Variants in ZFP91 observed in about 807,000 individuals in gnomAD.
ZFP91 encodes the protein E3 ubiquitin-protein ligase ZFP91.
In ZFP91, 7 loss-of-function variants were observed where a neutral mutation model predicts 63.5. The ratio of observed to expected loss-of-function variants is 0.11; its 90% CI spans 0.06 to 0.21. The LOEUF (loss-of-function observed/expected upper bound fraction) is 0.21. ZFP91 is among the 10% of genes least tolerant of loss of function. The pLI is 1.00. For synonymous variants in ZFP91, 330 were observed against 272.1 expected (o/e 1.21, Z -2.10); for missense variants, 628 against 736.6 (o/e 0.85, Z 1.71).
rs1855038419 is a variant in ZFP91 at position 58,579,310 on chromosome 11, C to G, written c.29C>G (p.Pro10Arg). 6.7e-7 allele frequency: 1 copy of G among 1,489,234 alleles called. No homozygotes were observed. The highest frequency in any genetic ancestry group is 1.5e-5 in the African/African-American group (1 of 67,834). 92.3% of individuals were successfully genotyped at this position (1,489,234 alleles called of 1,614,324 possible). Reference sequence around the variant, plus strand: ...CCGGGGGAGACGGAAGAGCCGAGACCCCCGGAGCAGCAGGACCAGGAAGGG... The same window carrying G: ...CCGGGGGAGACGGAAGAGCCGAGACGCCCGGAGCAGCAGGACCAGGAAGGG... MPGETEEPRPPEQQDQEGGE... is the reference protein window; with the variant it reads MPGETEEPRRPEQQDQEGGE... The change falls in exon 1 of 11, where the codon CCC (proline) becomes CGC (arginine). Residue 10 changes from proline to arginine, a missense_variant. By Grantham distance (103) the Pro-to-Arg change is moderately radical (BLOSUM62 -2). Coordinates refer to ENST00000316059, the MANE Select transcript of ZFP91 (RefSeq NM_053023.5).
chr11:58,603,165 G>A (rs1855518614), intron 2 of ZFP91, among the ~76,000 whole-genome samples: 1 of 152,168 alleles, frequency 6.6e-6, no homozygotes, highest in South Asian at 2.1e-4. Context: ...CTATCATTGG[G>A]TAAGCAATGA....
chr11:58,609,785 T>C (rs551646253), intron 2 of ZFP91, 45 bp from the exon 3 acceptor site: 1 of 1,539,896 alleles, frequency 6.5e-7, no homozygotes, highest in Non-Finnish European at 9.0e-7. Context: ...GGATGGTTAT[T>C]GGTTAACTGT....
chr11:58,617,362 C>T lies in ZFP91; in HGVS notation c.1369C>T (p.Leu457=). 6.2e-7 allele frequency: 1 copy of T among 1,613,880 alleles called. No individual in the cohort carries two copies. Among genetic ancestry groups the T allele is most frequent in the Non-Finnish European group, 8.5e-7 (1 of 1,179,906 alleles). ...CAAGGCAAAAAGCCACCCTGAGGTG[C>T]TGATTGCAGAAGCTCTGGCTGCCAA... ...AHKAKSHPEV[L]IAEALAANAG... is the part of the protein sequence containing the mutation. Residue 457 remains leucine, a synonymous_variant, in exon 11 of 11, where the codon CTG becomes TTG. Transcript: ENST00000316059. The surrounding 1 kb of genome is among the most constrained non-coding windows in gnomAD (Gnocchi z 4.2).
chr11:58,586,258 G>GT (rs758843688), intron 2 of ZFP91, among the ~76,000 whole-genome samples: 8 of 152,140 alleles, frequency 5.3e-5, no homozygotes, highest in Non-Finnish European at 1.0e-4. Flanking sequence ...ATCACTATGG[G>GT]TTGCCTTGAG....
chr11:58,600,094 T>C (rs1048216975), intron 2 of ZFP91, among the ~76,000 whole-genome samples: 4 of 152,144 alleles, frequency 2.6e-5, no homozygotes, highest in Non-Finnish European at 5.9e-5. Context: ...TGAAGCTTTA[T>C]AGTAAGTGTT....
At chr11:58,612,731 T>G in intron 7 of ZFP91, 31 bp from the exon 8 acceptor site, 1 of 1,579,548 alleles carries the variant, frequency 6.3e-7, no homozygotes, top group Middle Eastern at 1.8e-4. Flanking sequence ...TTTTTTTTTT[T>G]GCTAACTTTT....
chr11:58,593,775 C>G (rs1314567051), intron 2 of ZFP91, among the ~76,000 whole-genome samples: 1 of 152,174 alleles, frequency 6.6e-6, no homozygotes. Context: ...AGTGTCTCTT[C>G]AAGAAACAAA....
chr11:58,618,439 C>G lies in ZFP91; in HGVS notation c.*733C>G, dbSNP rs1405823723. Reference sequence around the variant, plus strand: ...GGGAGGGGGCTGCCCTCTACAGTCTCTTTGACTGTAAGACAGGGCTCTGTA... The same window carrying G: ...GGGAGGGGGCTGCCCTCTACAGTCTGTTTGACTGTAAGACAGGGCTCTGTA... On this transcript the variant is annotated 3_prime_UTR_variant, in exon 11 of 11. Coordinates refer to ENST00000316059, the MANE Select transcript of ZFP91 (RefSeq NM_053023.5). The G allele has an allele frequency of 2.9e-6, 1 of 343,936 alleles. No homozygotes were observed. Among genetic ancestry groups the G allele is most frequent in the African/African-American group, 2.2e-5 (1 of 46,034 alleles). 21.3% of individuals were successfully genotyped at this position (343,936 alleles called of 1,614,324 possible).
intron 1 of ZFP91, among the ~76,000 whole-genome samples, chr11:58,584,286 TTTTA>T (rs1283207664): frequency 9.9e-5 from 15 of 152,090 alleles, no homozygotes; most frequent in Admixed American, 9.8e-4. Flanking sequence ...TTCATTGAGT[TTTTA>T]TTATGAAAAT....
At position 58,579,579 on chromosome 11, in the gene ZFP91, A is replaced by G. The variant is rs1174434411; in HGVS notation, c.298A>G (p.Lys100Glu). 1 of 1,583,394 alleles carries G rather than the reference A, an allele frequency of 6.3e-7. No individual in the cohort carries two copies. ...CCCCGGGCAGCAGCCCCAGGCCGCG[A>G]AGTCCCCGTCTCCAGTTCAGGGCAA... ...DVPGQQPQAAKSPSPVQGKKS... is the reference protein window; with the variant it reads ...DVPGQQPQAAESPSPVQGKKS... The change falls in exon 1 of 11, where the codon AAG becomes GAG. Residue 100 changes from lysine (K) to glutamate (E), a missense_variant. Transcript: ENST00000316059.
At chr11:58,582,942 A>G (rs1855144178) in intron 1 of ZFP91, among the ~76,000 whole-genome samples, 1 of 152,140 alleles carries the variant, frequency 6.6e-6, no homozygotes, top group African/African-American at 2.4e-5. Flanking sequence ...AGCTAGTAGG[A>G]AAAATAAACC....
chr11:58,608,328 G>T (rs1855602061), intron 2 of ZFP91, among the ~76,000 whole-genome samples: 1 of 151,680 alleles, frequency 6.6e-6, no homozygotes, highest in South Asian at 2.1e-4. Flanking sequence ...TTATAAATAT[G>T]ATTGTAATTT....
intron 2 of ZFP91, among the ~76,000 whole-genome samples, chr11:58,586,837 C>G (rs114206263): frequency 0.014 from 2,064 of 152,272 alleles, 47 homozygotes; most frequent in African/African-American, 0.047. Context: ...AACTCATGTT[C>G]ATTTCAGAAG....
chr11:58,610,036 T>G lies in ZFP91; in HGVS notation c.577T>G (p.Tyr193Asp). 1 of 1,614,154 alleles carries G rather than the reference T, an allele frequency of 6.2e-7. No individual in the cohort carries two copies. Among genetic ancestry groups the G allele is most frequent in the Non-Finnish European group, 8.5e-7 (1 of 1,179,992 alleles). The change falls in exon 3 of 11, where the codon TAT becomes GAT. Residue 193 changes from tyrosine to aspartate, a missense_variant. Tyr to Asp is a radical substitution (Grantham distance 160). This residue lies in a region of ZFP91 where 437 missense variants were observed against 380.3 expected (regional missense o/e 1.15). Transcript: ENST00000316059. ...AGAACCAAATACAGACCAACTTGAT[T>G]ATGGTACAGTGCAACTAGAATATGG... ...KSEPNTDQLD[Y>D]DVGEEHQSPG... is the part of the protein sequence containing the mutation.
chr11:58,611,790 T>TG lies in ZFP91; in HGVS notation c.857+54dup, dbSNP rs774767103. Reference sequence around the variant, plus strand: ...AATCTAACAGATTTTGAACGACTAGTGGAAAAAAGAGTGGGAGTGTGAGGA... The same window carrying TG: ...AATCTAACAGATTTTGAACGACTAGTGGGAAAAAAGAGTGGGAGTGTGAGGA... On this transcript the variant is annotated intron_variant, in intron 6 of 10. Transcript: ENST00000316059. The TG allele has an allele frequency of 4.5e-6, 7 of 1,550,384 alleles. No homozygotes were observed. The Admixed American group carries it at 9.6e-5, about 21-fold the overall frequency.
intron 2 of ZFP91, among the ~76,000 whole-genome samples, chr11:58,608,698 G>A (rs1855608046): frequency 1.3e-5 from 2 of 152,058 alleles, no homozygotes; most frequent in Non-Finnish European, 2.9e-5. Flanking sequence ...TCCACCTCCC[G>A]GGTTCAAGTG....
intron 2 of ZFP91, among the ~76,000 whole-genome samples, chr11:58,607,103 C>T (rs1209567224): frequency 6.6e-6 from 1 of 152,002 alleles, no homozygotes; most frequent in Non-Finnish European, 1.5e-5. Context: ...ACCATCCTTT[C>T]ATCATGAAGA....
intron 5 of ZFP91, 133 bp from the exon 6 acceptor site, chr11:58,611,471 A>C: frequency 8.5e-7 from 1 of 1,183,414 alleles, no homozygotes; most frequent in Non-Finnish European, 1.2e-6. Flanking sequence ...GATGATTGGT[A>C]GGAAATCACA....
At chr11:58,612,181 T>A in intron 6 of ZFP91, 97 bp from the exon 7 acceptor site, 6 of 1,259,662 alleles carry the variant, frequency 4.8e-6, no homozygotes, top group Non-Finnish European at 6.7e-6. Flanking sequence ...TTGCCACTTG[T>A]TCTTTGGCCG....
Sources: allele counts gnomAD v4.1 joint callset (sites outside exome capture counted in the v4.1 genomes callset), GRCh38; gene constraint gnomAD v4.1.1; regional missense constraint gnomAD v4.1.1; non-coding constraint Gnocchi (gnomAD v3.1); transcripts MANE v1.5; gene names NCBI Gene and HGNC (gene_info 2026-07-23, HGNC 2026-07-21).